Variants in IL1RAPL1 observed in about 807,000 individuals in gnomAD.
IL1RAPL1 encodes the protein interleukin 1 receptor accessory protein like 1.
IL1RAPL1 carries 3 observed loss-of-function variants against 48.4 expected under a neutral mutation model. That is an observed-to-expected ratio of 0.06 (90% confidence interval 0.03 to 0.16). The LOEUF is 0.16. IL1RAPL1 is among the 10% of genes least tolerant of loss of function. The pLI, the probability that IL1RAPL1 is intolerant of heterozygous loss-of-function variation, is 1.00. For missense variants in IL1RAPL1, 349 were observed against 530.6 expected (o/e 0.66, Z 3.36); for synonymous variants, 185 against 187.7 (o/e 0.99, Z 0.12).
chrX:29,653,553 A>G (rs780320780), intron 5 of IL1RAPL1, among the ~76,000 whole-genome samples: 3 of 111,683 alleles, frequency 2.7e-5, no homozygotes, highest in Admixed American at 9.5e-5. Flanking sequence ...TATTATTTAA[A>G]GGGTGCCTGA....
At chrX:29,105,658 A>G (rs1371180213) in intron 2 of IL1RAPL1, among the ~76,000 whole-genome samples, 5 of 111,983 alleles carry the variant, frequency 4.5e-5, no homozygotes, top group African/African-American at 1.6e-4. Context: ...CTCAGTCATC[A>G]CCATCTCAAT....
intron 5 of IL1RAPL1, among the ~76,000 whole-genome samples, chrX:29,434,260 A>G (rs2147714392): frequency 9.1e-6 from 1 of 110,408 alleles, no homozygotes; most frequent in South Asian, 3.8e-4. Flanking sequence ...CTTTGAACTG[A>G]CATATTTATT....
intron 2 of IL1RAPL1, among the ~76,000 whole-genome samples, chrX:28,932,122 A>C (rs1422789836): frequency 9.0e-6 from 1 of 111,483 alleles, no homozygotes; most frequent in Non-Finnish European, 1.9e-5. Flanking sequence ...TTATAACTAG[A>C]TGGAAACTTC....
At chrX:28,914,405 C>T (rs1923435914) in intron 2 of IL1RAPL1, among the ~76,000 whole-genome samples, 1 of 111,545 alleles carries the variant, frequency 9.0e-6, no homozygotes, top group African/African-American at 3.3e-5. Flanking sequence ...TTTAGATGAT[C>T]TCAAGTCTCA....
intron 5 of IL1RAPL1, among the ~76,000 whole-genome samples, chrX:29,598,690 T>C (rs1422180999): frequency 1.8e-5 from 2 of 111,890 alleles, no homozygotes; most frequent in Non-Finnish European, 3.8e-5. Context: ...AGTAATCGTT[T>C]TATAAACTTG....
chrX:28,806,671 T>C (rs1936735396), intron 2 of IL1RAPL1, among the ~76,000 whole-genome samples: 1 of 111,654 alleles, frequency 9.0e-6, no homozygotes, highest in Admixed American at 9.5e-5. Context: ...GCATTCATTC[T>C]GCCACTCTAA....
intron 1 of IL1RAPL1, among the ~76,000 whole-genome samples, chrX:28,677,621 T>C (rs1030580090): frequency 1.8e-5 from 2 of 110,234 alleles, no homozygotes; most frequent in African/African-American, 6.6e-5. Flanking sequence ...GGAGTCTCAC[T>C]GTGTCACCCA....
intron 5 of IL1RAPL1, among the ~76,000 whole-genome samples, chrX:29,553,889 G>C (rs7054133): frequency 0.03 from 3,223 of 109,130 alleles, 120 homozygotes; most frequent in African/African-American, 0.1. Context: ...TAAAAATTAC[G>C]GTTTAAGGAT....
chrX:28,726,852 C>T (rs1176962007), intron 1 of IL1RAPL1, among the ~76,000 whole-genome samples: 1 of 111,662 alleles, frequency 9.0e-6, no homozygotes, highest in African/African-American at 3.3e-5. Context: ...CATGCTTAAA[C>T]ACTATATTGC....
intron 2 of IL1RAPL1, among the ~76,000 whole-genome samples, chrX:28,867,614 A>G (rs1406689885): frequency 8.9e-6 from 1 of 112,361 alleles, no homozygotes; most frequent in Non-Finnish European, 1.9e-5. Context: ...ACCTAAAAAT[A>G]TGACTTTGGT....
chrX:29,320,025 G>A (rs918682252), intron 3 of IL1RAPL1, among the ~76,000 whole-genome samples: 3 of 111,887 alleles, frequency 2.7e-5, no homozygotes, highest in Non-Finnish European at 5.6e-5. Flanking sequence ...GGGGAGTCAG[G>A]GGAGTGAAGA....
intron 1 of IL1RAPL1, among the ~76,000 whole-genome samples, chrX:28,702,104 AG>A (rs1341004861): frequency 2.0e-4 from 22 of 111,368 alleles, no homozygotes; most frequent in African/African-American, 6.5e-4. Flanking sequence ...CTTTTACTAT[AG>A]TAACTTGTTT....
chrX:29,688,582 G>A (rs1926689623), intron 6 of IL1RAPL1, among the ~76,000 whole-genome samples: 1 of 111,389 alleles, frequency 9.0e-6, no homozygotes, highest in Non-Finnish European at 1.9e-5. Flanking sequence ...ATCTTTTGTG[G>A]GGGTGAGGCG....
chrX:29,103,281 C>G (rs957022621), intron 2 of IL1RAPL1, among the ~76,000 whole-genome samples: 2 of 111,578 alleles, frequency 1.8e-5, no homozygotes, highest in African/African-American at 6.5e-5. Context: ...GAAACATAGA[C>G]CAATGAAAGA....
intron 2 of IL1RAPL1, among the ~76,000 whole-genome samples, chrX:28,953,100 T>C (rs1924514722): frequency 9.0e-6 from 1 of 111,481 alleles, no homozygotes; most frequent in Non-Finnish European, 1.9e-5. Flanking sequence ...ATAAAGCTCA[T>C]TTGTATTCAT....
At chrX:29,797,973 C>T (rs1381883965) in intron 6 of IL1RAPL1, among the ~76,000 whole-genome samples, 3 of 112,092 alleles carry the variant, frequency 2.7e-5, no homozygotes, top group African/African-American at 9.7e-5. Flanking sequence ...GTCCCTGGGC[C>T]AGGAGCATCA....
At chrX:29,627,763 T>C (rs1276662470) in intron 5 of IL1RAPL1, among the ~76,000 whole-genome samples, 1 of 111,721 alleles carries the variant, frequency 9.0e-6, no homozygotes, top group Non-Finnish European at 1.9e-5. Flanking sequence ...TCAGAATTAA[T>C]AGGAAAAGAC....
intron 5 of IL1RAPL1, among the ~76,000 whole-genome samples, chrX:29,526,636 A>G (rs1935555893): frequency 8.9e-6 from 1 of 112,175 alleles, no homozygotes; most frequent in Admixed American, 9.4e-5. Flanking sequence ...ATAGTTGGAG[A>G]TTAGTTAGAA....
At chrX:29,008,845 C>A (rs1926054385) in intron 2 of IL1RAPL1, among the ~76,000 whole-genome samples, 1 of 110,863 alleles carries the variant, frequency 9.0e-6, no homozygotes, top group Admixed American at 9.6e-5. Flanking sequence ...CAATAGTCCC[C>A]AGTTTCTATT....
Sources: gnomAD v4.1 joint callset for allele counts (sites outside exome capture counted in the v4.1 genomes callset) on GRCh38, gnomAD v4.1.1 for gene constraint, MANE v1.5 for transcripts, NCBI Gene and HGNC (gene_info 2026-07-23, HGNC 2026-07-21) for gene names.